The following TENM2 variants were observed in gnomAD, a reference collection of about 807,000 sequenced individuals.
TENM2 encodes teneurin-2.
TENM2 carries 52 observed loss-of-function variants against 245.2 expected under a neutral mutation model. The observed-to-expected ratio is 0.21, with a 90% CI of 0.17 to 0.27. The LOEUF (loss-of-function observed/expected upper bound fraction) is 0.27. Among genes scored for constraint, TENM2 ranks in the 10% least tolerant of loss-of-function variants. TENM2 has a pLI of 1.00. For missense variants in TENM2, 3,046 were observed against 3,666.8 expected, an observed-to-expected ratio of 0.83 and a Z score of 4.37; for synonymous variants, 1,363 against 1,438.9, an observed-to-expected ratio of 0.95 and a Z score of 1.19.
intron 4 of TENM2, among the ~76,000 whole-genome samples, chr5:167,968,683 G>C (rs557929686): frequency 6.6e-6 from 1 of 152,142 alleles, no homozygotes; most frequent in Non-Finnish European, 1.5e-5. Context: ...TCTTAGATAA[G>C]AATTTTCGAT....
intron 1 of TENM2, among the ~76,000 whole-genome samples, chr5:167,300,528 T>TA (rs1237826774): frequency 1.3e-5 from 2 of 152,038 alleles, no homozygotes; most frequent in African/African-American, 4.8e-5. Context: ...TTAGGACAGG[T>TA]AAAATGGGGG....
intron 27 of TENM2, among the ~76,000 whole-genome samples, chr5:168,255,646 G>A (rs949378993): frequency 6.6e-6 from 1 of 151,982 alleles, no homozygotes; most frequent in Admixed American, 6.6e-5. Context: ...GAGAGAGCAG[G>A]TCTAAGTCTC....
At chr5:168,062,134 C>T in exon 7 of TENM2, 1 of 1,613,400 alleles carries the variant, frequency 6.2e-7, no homozygotes. Flanking sequence ...ACAAGAAGTC[C>T]CACCAGGGGT....
chr5:168,179,015 AT>A (rs1368498868), intron 13 of TENM2, among the ~76,000 whole-genome samples: 1 of 151,984 alleles, frequency 6.6e-6, no homozygotes. Flanking sequence ...GGTGCCTGTA[AT>A]CCCAGCTACT....
intron 3 of TENM2, among the ~76,000 whole-genome samples, chr5:167,886,028 C>G (rs990672791): frequency 3.3e-5 from 5 of 152,182 alleles, no homozygotes; most frequent in Non-Finnish European, 7.3e-5. Flanking sequence ...TTCTGGCTCC[C>G]CTTGTGTGTC....
chr5:167,766,214 G>A (rs1763008269), intron 2 of TENM2, among the ~76,000 whole-genome samples: 1 of 152,170 alleles, frequency 6.6e-6, no homozygotes, highest in South Asian at 2.1e-4. Flanking sequence ...TGAAAATAGA[G>A]AGGGAAAGAG....
chr5:167,768,959 A>T (rs1002548931), intron 2 of TENM2, among the ~76,000 whole-genome samples: 2 of 152,150 alleles, frequency 1.3e-5, no homozygotes, highest in African/African-American at 4.8e-5. Flanking sequence ...CATCTCCTAA[A>T]CAGCAGCTCT....
intron 4 of TENM2, among the ~76,000 whole-genome samples, chr5:167,963,124 G>A (rs1483871342): frequency 1.3e-5 from 2 of 152,116 alleles, no homozygotes; most frequent in East Asian, 1.9e-4. Flanking sequence ...TGGAAGAAGC[G>A]ATTTACTATC....
At chr5:168,026,918 ATCACT>A (rs779108814) in intron 5 of TENM2, among the ~76,000 whole-genome samples, 1 of 152,206 alleles carries the variant, frequency 6.6e-6, no homozygotes, top group Non-Finnish European at 1.5e-5. Flanking sequence ...AGGAAAATTA[ATCACT>A]TCACAACCAT....
chr5:167,798,034 A>C (rs575488925), intron 2 of TENM2, among the ~76,000 whole-genome samples: 1 of 152,230 alleles, frequency 6.6e-6, no homozygotes, highest in Non-Finnish European at 1.5e-5. Context: ...AATTCCAGAA[A>C]CTATGCAAAG....
chr5:167,534,719 GA>G (rs1399986331), intron 2 of TENM2, among the ~76,000 whole-genome samples: 1 of 152,142 alleles, frequency 6.6e-6, no homozygotes, highest in African/African-American at 2.4e-5. Context: ...ACGAGACCTC[GA>G]ATGGAGAGGA....
At chr5:167,375,928 G>C (rs915811537) in intron 2 of TENM2, among the ~76,000 whole-genome samples, 1 of 152,156 alleles carries the variant, frequency 6.6e-6, no homozygotes, top group South Asian at 2.1e-4. Context: ...CCTCATATCC[G>C]TATTGAAGAT....
intron 7 of TENM2, among the ~76,000 whole-genome samples, chr5:168,089,198 C>T (rs1240011696): frequency 2.6e-5 from 4 of 152,292 alleles, no homozygotes; most frequent in South Asian, 4.1e-4. Context: ...AGCCCTGTCA[C>T]CTCTTCCTTA....
chr5:167,666,345 A>T (rs1234029657), intron 2 of TENM2, among the ~76,000 whole-genome samples: 1 of 152,142 alleles, frequency 6.6e-6, no homozygotes, highest in Non-Finnish European at 1.5e-5. Flanking sequence ...TCAACCCCAA[A>T]CGAAGTGCAC....
intron 2 of TENM2, among the ~76,000 whole-genome samples, chr5:167,555,949 T>G (rs981666199): frequency 1.3e-4 from 20 of 152,134 alleles, no homozygotes; most frequent in Non-Finnish European, 1.5e-5. Context: ...TTCATTAAAG[T>G]GAGCCGCATT....
intron 2 of TENM2, among the ~76,000 whole-genome samples, chr5:167,697,910 G>T (rs1757874722): frequency 6.6e-6 from 1 of 152,126 alleles, no homozygotes; most frequent in Non-Finnish European, 1.5e-5. Flanking sequence ...TTATGCTTAG[G>T]TTATTTAACA....
intron 2 of TENM2, among the ~76,000 whole-genome samples, chr5:167,456,503 A>G (rs1341005542): frequency 1.3e-5 from 2 of 152,116 alleles, no homozygotes; most frequent in African/African-American, 4.8e-5. Context: ...TGGTTTTTAA[A>G]TGTACTATGC....
the TENM2 span, among the ~76,000 whole-genome samples, chr5:167,151,858 G>A: frequency 5.3e-5 from 8 of 152,150 alleles, no homozygotes. Context: ...CTTTGGTAAT[G>A]TGCAGTTTTC....
chr5:168,000,909 G>A (rs1021616742), intron 5 of TENM2, among the ~76,000 whole-genome samples: 2 of 151,962 alleles, frequency 1.3e-5, no homozygotes, highest in African/African-American at 4.8e-5. Flanking sequence ...ACTAAATGGA[G>A]CTATGGTGAT....
Sources: allele counts gnomAD v4.1 joint callset (sites outside exome capture counted in the v4.1 genomes callset), GRCh38; gene constraint gnomAD v4.1.1; transcripts MANE v1.5; gene names NCBI Gene and HGNC (gene_info 2026-07-23, HGNC 2026-07-21).